SORCS3: variants seen among roughly 807,000 people sequenced by gnomAD.
The protein encoded by SORCS3 is sortilin related VPS10 domain containing receptor 3.
A neutral mutation model predicts 146.3 loss-of-function variants in SORCS3; 57 were observed. That is an observed-to-expected ratio of 0.39 (90% CI 0.31 to 0.49). The LOEUF (loss-of-function observed/expected upper bound fraction) is 0.49, where lower values mean the gene tolerates loss of function less well. Among genes scored for constraint, SORCS3 ranks in the 20% least tolerant of loss-of-function variants. SORCS3 has a pLI of 0.92. For missense variants in SORCS3, 1,341 were observed against 1,575.5 expected (o/e 0.85, Z 2.52); for synonymous variants, 653 against 618.5 (o/e 1.06, Z -0.83).
At chr10:104,887,443 A>C (rs1192520056) in intron 2 of SORCS3, among the ~76,000 whole-genome samples, 1 of 152,206 alleles carries the variant, frequency 6.6e-6, no homozygotes, top group Non-Finnish European at 1.5e-5. Flanking sequence ...AGAATAACTA[A>C]AGATATAGTT....
intron 4 of SORCS3, among the ~76,000 whole-genome samples, chr10:104,997,217 C>T (rs2055032575): frequency 6.6e-6 from 1 of 152,136 alleles, no homozygotes; most frequent in Non-Finnish European, 1.5e-5. Context: ...AGACAGGAAA[C>T]TATTTCTTTT....
intron 1 of SORCS3, among the ~76,000 whole-genome samples, chr10:104,651,671 A>G (rs2015561765): frequency 6.6e-6 from 1 of 151,982 alleles, no homozygotes; most frequent in Admixed American, 6.6e-5. Context: ...GTGCCACTGC[A>G]TTCCCCAGCC....
Position 105,264,879 on chromosome 10 carries a change from A to C in SORCS3, c.*1505A>C, listed in dbSNP as rs1209108228. 1 of 152,590 alleles carries C rather than the reference A, an allele frequency of 6.6e-6. No homozygotes were observed. Among genetic ancestry groups the C allele is most frequent in the African/African-American group, 2.4e-5 (1 of 41,434 alleles). The allele number at this position is 152,590 out of a possible 1,614,324, so 9.5% of individuals were successfully genotyped here. On this transcript the variant is annotated 3_prime_UTR_variant, in exon 27 of 27. Coordinates refer to ENST00000369701, the MANE Select transcript of SORCS3 (RefSeq NM_014978.3). The stretch of plus-strand genomic sequence containing the variant: ...CACACTTATTTTTGAAAATGATATA[A>C]TGTATATATATGGGAGGAAAGGCCA...
At chr10:104,659,739 C>T (rs889630351) in intron 1 of SORCS3, among the ~76,000 whole-genome samples, 4 of 152,172 alleles carry the variant, frequency 2.6e-5, no homozygotes, top group South Asian at 2.1e-4. Context: ...CTTGCCAAGG[C>T]GCCTGCCCTG....
intron 4 of SORCS3, among the ~76,000 whole-genome samples, chr10:104,992,875 C>T (rs551792376): frequency 4.2e-4 from 64 of 152,010 alleles, no homozygotes; most frequent in Middle Eastern, 6.8e-3. Context: ...TAGAAAGAAA[C>T]CTTTTTTGTT....
chr10:105,060,804 G>T (rs986662183), intron 5 of SORCS3, among the ~76,000 whole-genome samples: 2 of 151,966 alleles, frequency 1.3e-5, no homozygotes, highest in Admixed American at 1.3e-4. Context: ...GGGCATGGTG[G>T]CACATGCCTA....
intron 3 of SORCS3, among the ~76,000 whole-genome samples, chr10:104,968,934 C>T (rs958829489): frequency 1.3e-5 from 2 of 152,156 alleles, no homozygotes; most frequent in African/African-American, 4.8e-5. Context: ...CAGTCCTCAC[C>T]AGTCCCTGTC....
chr10:105,167,852 G>A (rs892394509), intron 13 of SORCS3, among the ~76,000 whole-genome samples: 1 of 152,120 alleles, frequency 6.6e-6, no homozygotes, highest in Non-Finnish European at 1.5e-5. Flanking sequence ...TTAAAGCTAT[G>A]GTAGTGGGCT....
At chr10:105,061,926 A>G (rs145125406) in intron 5 of SORCS3, among the ~76,000 whole-genome samples, 333 of 152,252 alleles carry the variant, frequency 2.2e-3, no homozygotes, top group African/African-American at 7.6e-3. Context: ...GGTGGCTGTC[A>G]TCAGCTGCGG....
chr10:104,869,660 C>G (rs879865600), intron 2 of SORCS3, among the ~76,000 whole-genome samples: 1 of 152,210 alleles, frequency 6.6e-6, no homozygotes, highest in East Asian at 1.9e-4. Context: ...GCAGAACACA[C>G]CATGAACCAT....
At chr10:104,717,797 G>A (rs540721625) in intron 1 of SORCS3, among the ~76,000 whole-genome samples, 1 of 152,254 alleles carries the variant, frequency 6.6e-6, no homozygotes, top group South Asian at 2.1e-4. Context: ...GTCCATTTGG[G>A]CTGCTATAAC....
intron 14 of SORCS3, among the ~76,000 whole-genome samples, chr10:105,198,664 C>T (rs2056557297): frequency 6.6e-6 from 1 of 152,122 alleles, no homozygotes; most frequent in Non-Finnish European, 1.5e-5. Flanking sequence ...TTGCTTTGCT[C>T]CACAGTGTCA....
intron 9 of SORCS3, among the ~76,000 whole-genome samples, chr10:105,150,474 C>T (rs1465097018): frequency 1.3e-5 from 2 of 152,048 alleles, no homozygotes; most frequent in East Asian, 1.9e-4. Flanking sequence ...TTCTTTTCAA[C>T]GTTACCACTC....
intron 1 of SORCS3, among the ~76,000 whole-genome samples, chr10:104,827,253 C>CA (rs2017947377): frequency 1.3e-5 from 2 of 152,044 alleles, no homozygotes; most frequent in Admixed American, 1.3e-4. Context: ...TGCTGAGATT[C>CA]ATCAGAGGAA....
intron 1 of SORCS3, among the ~76,000 whole-genome samples, chr10:104,744,517 G>C (rs138616873): frequency 6.6e-6 from 1 of 152,182 alleles, no homozygotes; most frequent in South Asian, 2.1e-4. Flanking sequence ...TGGAGAACCT[G>C]TTATTATCTC....
chr10:105,128,920 T>G (rs567859981), intron 7 of SORCS3, among the ~76,000 whole-genome samples: 1 of 152,300 alleles, frequency 6.6e-6, no homozygotes, highest in Non-Finnish European at 1.5e-5. Context: ...TAACTACAAC[T>G]AGTTCCTTTT....
At chr10:104,642,864 G>A (rs2015443042) in intron 1 of SORCS3, among the ~76,000 whole-genome samples, 1 of 152,218 alleles carries the variant, frequency 6.6e-6, no homozygotes, top group African/African-American at 2.4e-5. Context: ...CGTTGAGCCC[G>A]GTCTGGCCTA....
Position 105,185,718 on chromosome 10 carries a change from A to G in SORCS3, c.2009+7545A>G, listed in dbSNP as rs2056471284. ...CACTTTGATTCAGATTTTTAAATAA[A>G]ATATACAGGAAATCCTAGATAGAAT... On this transcript the variant is annotated intron_variant, in intron 14 of 26. Transcript: ENST00000369701. Among the ~76,000 whole-genome samples, 3 of 152,304 alleles carry G rather than the reference A, an allele frequency of 2.0e-5. 1 individual carries two copies. In the South Asian group the frequency reaches 6.2e-4, roughly 32 times the overall value.
At chr10:104,827,365 G>T (rs1265401090) in intron 1 of SORCS3, among the ~76,000 whole-genome samples, 4 of 152,286 alleles carry the variant, frequency 2.6e-5, no homozygotes, top group East Asian at 3.9e-4. Context: ...GATGGATGTT[G>T]TGATAGCAGG....
Sources: gnomAD v4.1 joint callset for allele counts (sites outside exome capture counted in the v4.1 genomes callset) on GRCh38, gnomAD v4.1.1 for gene constraint, MANE v1.5 for transcripts, NCBI Gene and HGNC (gene_info 2026-07-23, HGNC 2026-07-21) for gene names.